GPR141: variants seen among roughly 807,000 people sequenced by gnomAD.
The protein encoded by GPR141 is G protein-coupled receptor 141.
Under a neutral mutation model 6.8 loss-of-function variants are expected in GPR141, and 6 were observed. That is an observed-to-expected ratio of 0.88 (90% CI 0.48 to 1.74). The LOEUF is 1.74. Ranked by LOEUF, GPR141 falls within the 40% of genes most tolerant of loss-of-function variation. The pLI is 0.01. For missense variants in GPR141, 372 were observed against 372.9 expected (o/e 1.00, Z 0.02); for synonymous variants, 140 against 142.3 (o/e 0.98, Z 0.11).
intron 2 of GPR141, among the ~76,000 whole-genome samples, chr7:37,689,368 T>C (rs1809656561): frequency 6.6e-6 from 1 of 152,140 alleles, no homozygotes. Context: ...GGTTGTATCC[T>C]TGTCTGGTTT....
intron 2 of GPR141, among the ~76,000 whole-genome samples, chr7:37,695,528 A>G (rs1583524437): frequency 6.6e-6 from 1 of 152,142 alleles, no homozygotes; most frequent in East Asian, 1.9e-4. Context: ...AATGGGAGAA[A>G]TTCCTCCTGG....
At chr7:37,736,490 CA>C (rs1240001557) in intron 2 of GPR141, among the ~76,000 whole-genome samples, 1 of 109,162 alleles carries the variant, frequency 9.2e-6, no homozygotes, top group East Asian at 2.5e-4. Context: ...ACAGTATAAA[CA>C]GAGGAAAAAA....
At chr7:37,736,741 C>T (rs970862569) in intron 2 of GPR141, among the ~76,000 whole-genome samples, 5 of 152,076 alleles carry the variant, frequency 3.3e-5, no homozygotes, top group Admixed American at 3.3e-4. Flanking sequence ...TTCAGACACA[C>T]ACATACGAAA....
intron 2 of GPR141, among the ~76,000 whole-genome samples, chr7:37,720,756 A>G (rs1811286900): frequency 1.3e-5 from 2 of 151,698 alleles, no homozygotes; most frequent in South Asian, 4.1e-4. Context: ...AAAAAAAAAA[A>G]GAGAAATTAA....
intron 2 of GPR141, among the ~76,000 whole-genome samples, chr7:37,699,869 G>A (rs1243740654): frequency 6.6e-6 from 1 of 152,208 alleles, no homozygotes; most frequent in Non-Finnish European, 1.5e-5. Context: ...ACACGACAGA[G>A]AATCAGCATG....
intron 1 of GPR141, among the ~76,000 whole-genome samples, chr7:37,684,113 A>C (rs1282061774): frequency 6.6e-6 from 1 of 152,226 alleles, no homozygotes; most frequent in Non-Finnish European, 1.5e-5. Context: ...AGTAAAACCT[A>C]ATATTTATGG....
At chr7:37,730,842 T>G (rs2131842210) in intron 2 of GPR141, among the ~76,000 whole-genome samples, 1 of 152,358 alleles carries the variant, frequency 6.6e-6, no homozygotes, top group South Asian at 2.1e-4. Flanking sequence ...CATTTATTAT[T>G]TTTGTATGTG....
intron 2 of GPR141, among the ~76,000 whole-genome samples, chr7:37,705,440 T>A (rs1810483556): frequency 6.6e-6 from 1 of 152,180 alleles, no homozygotes; most frequent in South Asian, 2.1e-4. Context: ...GAAAGGAAAT[T>A]CTGGGGACTG....
intron 2 of GPR141, among the ~76,000 whole-genome samples, chr7:37,692,798 T>G (rs1188135097): frequency 1.3e-5 from 2 of 152,236 alleles, no homozygotes; most frequent in Admixed American, 1.3e-4. Flanking sequence ...ATGTCTTCTT[T>G]TGAGAAGTCT....
At chr7:37,689,969 A>G (rs892008639) in intron 2 of GPR141, among the ~76,000 whole-genome samples, 5 of 149,626 alleles carry the variant, frequency 3.3e-5, no homozygotes, top group South Asian at 4.2e-4. Context: ...TTGTTTTTCT[A>G]GTCCCTAGAG....
intron 2 of GPR141, 91 bp from the exon 3 acceptor site, chr7:37,740,289 A>T: frequency 1.3e-6 from 1 of 793,358 alleles, no homozygotes; most frequent in Non-Finnish European, 2.1e-6. Context: ...ATAAGCACAT[A>T]AATGGCAAAG....
At chr7:37,733,181 G>C (rs573850864) in intron 2 of GPR141, among the ~76,000 whole-genome samples, 1 of 152,162 alleles carries the variant, frequency 6.6e-6, no homozygotes, top group Non-Finnish European at 1.5e-5. Context: ...TGCTTGGCTA[G>C]CTGAATGTTT....
At chr7:37,726,373 A>G (rs1004523488) in intron 2 of GPR141, among the ~76,000 whole-genome samples, 3 of 152,122 alleles carry the variant, frequency 2.0e-5, no homozygotes, top group African/African-American at 7.2e-5. Flanking sequence ...AAAATGGGAG[A>G]ATTCATGGGC....
intron 2 of GPR141, among the ~76,000 whole-genome samples, chr7:37,691,576 TTTGA>T (rs1457370862): frequency 1.3e-5 from 2 of 152,204 alleles, no homozygotes; most frequent in Admixed American, 6.5e-5. Flanking sequence ...TAGTATAAAG[TTTGA>T]TTATTTTCTG....
chr7:37,709,499 A>C (rs1296515604), intron 2 of GPR141, among the ~76,000 whole-genome samples: 1 of 152,190 alleles, frequency 6.6e-6, no homozygotes, highest in African/African-American at 2.4e-5. Context: ...TTACCACCCC[A>C]AAGAGCATGA....
chr7:37,708,328 A>AAC (rs1554341191), intron 2 of GPR141, among the ~76,000 whole-genome samples: 1 of 151,340 alleles, frequency 6.6e-6, no homozygotes, highest in Non-Finnish European at 1.5e-5. Context: ...AAAAAAAAAA[A>AAC]AAAAAAACGC....
At chr7:37,711,427 G>C (rs1810790535) in intron 2 of GPR141, among the ~76,000 whole-genome samples, 2 of 152,174 alleles carry the variant, frequency 1.3e-5, no homozygotes, top group Admixed American at 1.3e-4. Context: ...AGTAAGTGTG[G>C]AAAAATCAAG....
At chr7:37,721,391 C>T (rs897948829) in intron 2 of GPR141, among the ~76,000 whole-genome samples, 1 of 152,166 alleles carries the variant, frequency 6.6e-6, no homozygotes, top group African/African-American at 2.4e-5. Context: ...CATTATGCTA[C>T]AATAGATGTG....
intron 2 of GPR141, among the ~76,000 whole-genome samples, chr7:37,722,079 A>G (rs1811353588): frequency 1.3e-5 from 2 of 152,218 alleles, no homozygotes; most frequent in Admixed American, 1.3e-4. Context: ...ACTTGGCACT[A>G]TTAATCTATA....
Sources: gnomAD v4.1 joint callset for allele counts (sites outside exome capture counted in the v4.1 genomes callset) on GRCh38, gnomAD v4.1.1 for gene constraint, MANE v1.5 for transcripts, NCBI Gene and HGNC (gene_info 2026-07-23, HGNC 2026-07-21) for gene names.